Variants in PIK3C3 observed in about 807,000 individuals in gnomAD.
The protein encoded by PIK3C3 is phosphatidylinositol 3-kinase catalytic subunit type 3, also known as PI3-kinase type 3.
PIK3C3 carries 95 observed loss-of-function variants against 126.1 expected under a neutral mutation model. The observed-to-expected ratio is 0.75, with a 90% CI of 0.64 to 0.89. PIK3C3 has a LOEUF of 0.89. PIK3C3 is among the 40% of genes least tolerant of loss of function. The probability of loss-of-function intolerance (pLI) is 0.00; values close to 1 mark genes in which losing one functional copy is unlikely to be tolerated. For missense variants in PIK3C3, 829 were observed against 1,063.2 expected (o/e 0.78, Z 3.06); for synonymous variants, 374 against 360.0 (o/e 1.04, Z -0.44).
chr18:42,020,503 A>T (rs2144418624), intron 12 of PIK3C3, 135 bp from the exon 13 acceptor site: 1 of 590,848 alleles, frequency 1.7e-6, no homozygotes, highest in East Asian at 2.9e-5. Flanking sequence ...GTATGTAAGG[A>T]TAGATAAATG....
chr18:42,059,904 A>C (rs1356226579), intron 22 of PIK3C3: 2 of 152,024 alleles, frequency 1.3e-5, no homozygotes, highest in Admixed American at 1.3e-4. Context: ...GGTAGCTGGA[A>C]CTACAGGCAT....
intron 10 of PIK3C3, among the ~76,000 whole-genome samples, chr18:42,009,410 G>A (rs373235295): frequency 6.6e-6 from 1 of 152,128 alleles, no homozygotes; most frequent in East Asian, 1.9e-4. Flanking sequence ...CTGAACAAAA[G>A]AGAAATATAC....
chr18:41,989,620 A>C (rs552147103), intron 5 of PIK3C3, among the ~76,000 whole-genome samples: 7 of 152,278 alleles, frequency 4.6e-5, no homozygotes, highest in Admixed American at 6.5e-5. Flanking sequence ...ACAGTTGCCC[A>C]CAGTATTCAG....
At position 42,054,126 on chromosome 18, in the gene PIK3C3, G is replaced by GTATATCTATATCTATATATATATC. The variant is rs1473971394; in HGVS notation, c.2264-3752_2264-3751insCTATATCTATATATATATCTATAT. ...GTTCTCTAGAGGGACAGAACTAATG[G>GTATATCTATATCTATATATATATC]TATATATATATATATATATATATAT... On this transcript the variant is annotated intron_variant, in intron 21 of 24. Transcript: ENST00000262039. 4.3e-5 allele frequency among the ~76,000 whole-genome samples: 3 copies of GTATATCTATATCTATATATATATC among 69,654 alleles called. 1 individual carries two copies. The highest frequency in any genetic ancestry group is 1.9e-4 in the Admixed American group (1 of 5,250). The allele number at this position is 69,654 out of a possible 152,430, so 45.7% of individuals were successfully genotyped here.
chr18:42,029,454 T>C lies in PIK3C3; in HGVS notation c.1707+13T>C, dbSNP rs772906730. The stretch of plus-strand genomic sequence containing the variant: ...TCGTAAGAAAAAGGTAAGCCTATGG[T>C]GTATGCTTTTGTTCCTAATAGCATC... On this transcript the variant is annotated intron_variant, in intron 15 of 24. Transcript: ENST00000262039. 7.0e-7 allele frequency: 1 copy of C among 1,435,208 alleles called. No individual in the cohort carries two copies. Among genetic ancestry groups the C allele is most frequent in the Non-Finnish European group, 9.8e-7 (1 of 1,017,240 alleles). The allele number at this position is 1,435,208 out of a possible 1,614,324, so 88.9% of individuals were successfully genotyped here.
In PIK3C3 at chr18:42,034,020, A is replaced by G. The variant is rs1598915823; in HGVS notation, c.1839+63A>G. 4.2e-6 allele frequency: 5 copies of G among 1,178,368 alleles called. No individual in the cohort carries two copies. The East Asian group carries it at 1.3e-4, about 31-fold the overall frequency. 73.0% of individuals were successfully genotyped at this position (1,178,368 alleles called of 1,614,324 possible). ...CTAATTCTTAAGCTAGATCAGAGAT[A>G]CTACCTTGGAAAACTATTACATTGC... On this transcript the variant is annotated intron_variant, in intron 16 of 24. Transcript: ENST00000262039.
chr18:42,038,369 G>C (rs1984153779), intron 17 of PIK3C3, among the ~76,000 whole-genome samples: 1 of 151,666 alleles, frequency 6.6e-6, no homozygotes, highest in Admixed American at 6.6e-5. Flanking sequence ...TTGAGATGGA[G>C]TTTTGCTTTT....
chr18:42,055,798 A>G (rs1165114890), intron 21 of PIK3C3, among the ~76,000 whole-genome samples: 1 of 152,138 alleles, frequency 6.6e-6, no homozygotes. Context: ...ATTAAACAAA[A>G]TGGAAATTTA....
At position 42,072,474 on chromosome 18, in the gene PIK3C3, C is replaced by G. The variant is rs144273756; in HGVS notation, c.2649+4961C>G. On this transcript the variant is annotated intron_variant, in intron 24 of 24. Coordinates refer to ENST00000262039, the MANE Select transcript of PIK3C3 (RefSeq NM_002647.4). ...ACATATTAGTGATACAAATTTTCCA[C>G]TGGAAAACAATTTTATTTTGGTCAT... Among the ~76,000 whole-genome samples, 1,480 of 152,262 alleles carry G rather than the reference C, an allele frequency of 9.7e-3. 16 individuals are homozygous for G. Among genetic ancestry groups the G allele is most frequent in the African/African-American group, 0.034 (1,407 of 41,562 alleles).
chr18:42,011,533 C>G (rs186217012), intron 10 of PIK3C3, among the ~76,000 whole-genome samples: 1 of 152,308 alleles, frequency 6.6e-6, no homozygotes, highest in Admixed American at 6.5e-5. Context: ...ATTGGGCTTT[C>G]ACCCATGGGA....
chr18:41,980,743 A>G (rs1007804733), intron 4 of PIK3C3, among the ~76,000 whole-genome samples: 2 of 152,162 alleles, frequency 1.3e-5, no homozygotes, highest in African/African-American at 4.8e-5. Flanking sequence ...CAAAAACAGT[A>G]AGAACACCCT....
chr18:42,062,662 C>T (rs535183001), intron 22 of PIK3C3, among the ~76,000 whole-genome samples: 1 of 152,082 alleles, frequency 6.6e-6, no homozygotes, highest in East Asian at 1.9e-4. Flanking sequence ...TGTGACTTTA[C>T]GTATGATCCT....
At chr18:42,068,618 T>C (rs1024013506) in intron 24 of PIK3C3, among the ~76,000 whole-genome samples, 4 of 152,126 alleles carry the variant, frequency 2.6e-5, no homozygotes, top group African/African-American at 9.7e-5. Flanking sequence ...CTCCCACTTT[T>C]CCCACATTAG....
At chr18:41,975,933 C>T (rs1980898940) in intron 4 of PIK3C3, among the ~76,000 whole-genome samples, 1 of 152,160 alleles carries the variant, frequency 6.6e-6, no homozygotes, top group African/African-American at 2.4e-5. Flanking sequence ...AACTCCTGAC[C>T]TCGTGATCTG....
At chr18:42,038,053 A>G (rs1984136430) in intron 17 of PIK3C3, among the ~76,000 whole-genome samples, 1 of 152,114 alleles carries the variant, frequency 6.6e-6, no homozygotes, top group African/African-American at 2.4e-5. Context: ...TTTTTTCCAA[A>G]TTAAGTTCTC....
intron 9 of PIK3C3, among the ~76,000 whole-genome samples, chr18:42,001,727 A>C (rs1982300307): frequency 6.6e-6 from 1 of 152,268 alleles, no homozygotes; most frequent in Non-Finnish European, 1.5e-5. Context: ...CTGAGAATCT[A>C]AGTTTTAGAT....
chr18:41,978,129 C>T (rs1981024140), intron 4 of PIK3C3, among the ~76,000 whole-genome samples: 1 of 151,998 alleles, frequency 6.6e-6, no homozygotes, highest in South Asian at 2.1e-4. Context: ...TGAATAGTTT[C>T]TTTTATATAG....
intron 11 of PIK3C3, among the ~76,000 whole-genome samples, chr18:42,014,606 A>G (rs1335184100): frequency 6.6e-6 from 1 of 152,222 alleles, no homozygotes; most frequent in Non-Finnish European, 1.5e-5. Flanking sequence ...ATTTGCAAAT[A>G]GTAGTAACCA....
rs548278937 is a variant in PIK3C3 at position 42,087,420 on chromosome 18, A to G, written c.*6283A>G. On this transcript the variant is annotated 3_prime_UTR_variant, in exon 25 of 25. Transcript: ENST00000262039. ...CTTATGCAAATGGGCTTTCCAGTTG[A>G]TTGGGTCCATCTTGTGTAACACGTG... The G allele has an allele frequency of 6.6e-6, 1 of 152,224 alleles. No homozygotes were observed. The highest frequency in any genetic ancestry group is 2.4e-5 in the African/African-American group (1 of 41,528). 9.4% of individuals were successfully genotyped at this position (152,224 alleles called of 1,614,324 possible). A position where few individuals can be genotyped will look rare whatever the true frequency, so the allele number is the denominator to read the frequency against.
Sources: allele counts gnomAD v4.1 joint callset (sites outside exome capture counted in the v4.1 genomes callset), GRCh38; gene constraint gnomAD v4.1.1; transcripts MANE v1.5; gene names NCBI Gene and HGNC (gene_info 2026-07-23, HGNC 2026-07-21).